The following CELF2 variants were observed in gnomAD, a reference collection of about 807,000 sequenced individuals.
The protein encoded by CELF2 is CUGBP Elav-like family member 2, also known as CUG triplet repeat RNA-binding protein 2.
CELF2 carries 8 observed loss-of-function variants against 62.6 expected under a neutral mutation model. The ratio of observed to expected loss-of-function variants is 0.13; its 90% CI spans 0.07 to 0.23. CELF2 has a LOEUF of 0.23. Among genes scored for constraint, CELF2 ranks in the 10% least tolerant of loss-of-function variants. The pLI is 1.00. For synonymous variants in CELF2, 258 were observed against 250.0 expected (o/e 1.03, Z -0.30); for missense variants, 333 against 671.0 (o/e 0.50, Z 5.56).
At chr10:10,593,730 C>T in the CELF2 span, among the ~76,000 whole-genome samples, 4 of 152,126 alleles carry the variant, frequency 2.6e-5, no homozygotes, top group African/African-American at 7.2e-5. Context: ...ATCTAGGCAA[C>T]CCTGATTTCA....
the CELF2 span, among the ~76,000 whole-genome samples, chr10:10,653,984 G>GA: frequency 3.6e-4 from 55 of 150,834 alleles, no homozygotes; most frequent in South Asian, 4.2e-4. Context: ...GACTAATAAA[G>GA]AAAAAAAGAG....
the CELF2 span, among the ~76,000 whole-genome samples, chr10:10,523,252 T>C: frequency 6.6e-6 from 1 of 152,192 alleles, no homozygotes; most frequent in Non-Finnish European, 1.5e-5. Flanking sequence ...TAATGTAAGT[T>C]AGGAGGTTAT....
chr10:10,473,542 C>T, the CELF2 span, among the ~76,000 whole-genome samples: 13 of 151,948 alleles, frequency 8.6e-5, no homozygotes, highest in South Asian at 2.1e-4. Context: ...AAGACAGTCA[C>T]GCCTTTTAAA....
the CELF2 span, among the ~76,000 whole-genome samples, chr10:10,623,942 A>G: frequency 6.6e-6 from 1 of 152,192 alleles, no homozygotes; most frequent in Non-Finnish European, 1.5e-5. Flanking sequence ...GACTGCAGAG[A>G]TGATGTGCTC....
intron 1 of CELF2, among the ~76,000 whole-genome samples, chr10:11,072,656 A>G (rs2070477438): frequency 6.6e-6 from 1 of 152,226 alleles, no homozygotes; most frequent in South Asian, 2.1e-4. Context: ...AGCAAAGGAT[A>G]TAGAGGCAGC....
intron 2 of CELF2, among the ~76,000 whole-genome samples, chr10:10,950,037 A>G (rs1431232507): frequency 6.6e-6 from 1 of 152,050 alleles, no homozygotes; most frequent in East Asian, 1.9e-4. Flanking sequence ...TTACCTTGGC[A>G]ATGCCTGGGA....
chr10:10,529,966 G>A, the CELF2 span, among the ~76,000 whole-genome samples: 1 of 152,206 alleles, frequency 6.6e-6, no homozygotes, highest in African/African-American at 2.4e-5. Flanking sequence ...AAGCTGAACA[G>A]TTTCTGCAGT....
At chr10:10,614,463 A>C in the CELF2 span, among the ~76,000 whole-genome samples, 1 of 152,108 alleles carries the variant, frequency 6.6e-6, no homozygotes, top group Admixed American at 6.5e-5. Context: ...AGGAAGATTT[A>C]TCTTACGGCA....
Position 11,227,792 on chromosome 10 carries a change from A to G in CELF2, c.354+10285A>G, listed in dbSNP as rs2067134610. The stretch of plus-strand genomic sequence containing the variant: ...ACTTTCTACAACACTGTCACGCATC[A>G]GGGACGAGGGTACCGAGTGAGAGCA... On this transcript the variant is annotated intron_variant, in intron 3 of 12. Transcript: ENST00000633077. This position sits in a 1 kb window ranked among gnomAD's most constrained non-coding sequence, Gnocchi z 4.8. Among the ~76,000 whole-genome samples, 2 of 152,328 alleles carry G rather than the reference A, an allele frequency of 1.3e-5. No individual in the cohort carries two copies. The highest frequency in any genetic ancestry group is 4.1e-4 in the South Asian group (2 of 4,820).
chr10:11,119,212 C>T (rs544028242), intron 1 of CELF2, among the ~76,000 whole-genome samples: 36 of 152,272 alleles, frequency 2.4e-4, no homozygotes, highest in African/African-American at 8.4e-4. Flanking sequence ...AAACTTTAGA[C>T]TTCTTGCATA....
chr10:11,086,578 T>TAAAAAAAAAAAAAAAAAAA lies in CELF2; in HGVS notation c.74+68429_74+68447dup, dbSNP rs1168932032. ...AATCCATGTCTCCATTTGCATTTGTTAAAAAAAAAAAAAAAAAAAAAAAAA... is the reference window on the plus strand; with the variant it reads ...AATCCATGTCTCCATTTGCATTTGTTAAAAAAAAAAAAAAAAAAAAAAAAAAAAAAAAAAAAAAAAAAAA... On this transcript the variant is annotated intron_variant, in intron 1 of 12. Coordinates refer to ENST00000633077, the MANE Select transcript of CELF2 (RefSeq NM_001326342.2). 9.7e-5 allele frequency among the ~76,000 whole-genome samples: 7 copies of TAAAAAAAAAAAAAAAAAAA among 71,984 alleles called. 3 individuals carry two copies. Among genetic ancestry groups the TAAAAAAAAAAAAAAAAAAA allele is most frequent in the African/African-American group, 3.8e-4 (7 of 18,240 alleles). 47.2% of individuals were successfully genotyped at this position (71,984 alleles called of 152,430 possible). A position where few individuals can be genotyped will look rare whatever the true frequency, so the allele number is the denominator to read the frequency against.
the CELF2 span, among the ~76,000 whole-genome samples, chr10:10,554,247 C>T: frequency 6.6e-6 from 1 of 152,136 alleles, no homozygotes; most frequent in Non-Finnish European, 1.5e-5. Context: ...AAGCATCTGG[C>T]CCAGATGTAT....
the CELF2 span, among the ~76,000 whole-genome samples, chr10:10,528,785 G>A: frequency 6.6e-6 from 1 of 152,076 alleles, no homozygotes; most frequent in East Asian, 1.9e-4. Flanking sequence ...GTTATGGAAG[G>A]GACTTAAAGA....
chr10:10,853,102 C>T (rs902830732), intron 1 of CELF2, among the ~76,000 whole-genome samples: 1 of 152,144 alleles, frequency 6.6e-6, no homozygotes, highest in African/African-American at 2.4e-5. Context: ...CCTCTGCCTC[C>T]CGAGTAAGTG....
the CELF2 span, among the ~76,000 whole-genome samples, chr10:10,652,938 C>G: frequency 6.6e-6 from 1 of 152,118 alleles, no homozygotes; most frequent in Non-Finnish European, 1.5e-5. Flanking sequence ...GATAAAGAGT[C>G]AAGACCCATC....
At chr10:11,083,420 C>T (rs568469682) in intron 1 of CELF2, among the ~76,000 whole-genome samples, 90 of 152,192 alleles carry the variant, frequency 5.9e-4, no homozygotes, top group African/African-American at 2.0e-3. Context: ...AGGCCACAAC[C>T]GACTGGCCTA....
In CELF2 at chr10:11,159,643, C is replaced by G. The variant is rs1473996993; in HGVS notation, c.75-5843C>G. Among the ~76,000 whole-genome samples, 1 of 152,170 alleles carries G rather than the reference C, an allele frequency of 6.6e-6. No homozygotes were observed. The highest frequency in any genetic ancestry group is 2.4e-5 in the African/African-American group (1 of 41,430). ...AGAGATTTCTCTTCTTAAATAATGG[C>G]AACACCAAAATGAACAATGTAGAGA... On this transcript the variant is annotated intron_variant, in intron 1 of 12. Coordinates refer to ENST00000633077, the MANE Select transcript of CELF2 (RefSeq NM_001326342.2). This position sits in a 1 kb window ranked among gnomAD's most constrained non-coding sequence, Gnocchi z 5.0.
chr10:10,682,510 T>C, the CELF2 span, among the ~76,000 whole-genome samples: 9 of 152,350 alleles, frequency 5.9e-5, no homozygotes, highest in East Asian at 1.7e-3. Context: ...AGCTTGCTTC[T>C]TGCGCAGACT....
chr10:10,979,563 C>A (rs759580453), intron 2 of CELF2, among the ~76,000 whole-genome samples: 5 of 149,528 alleles, frequency 3.3e-5, no homozygotes, highest in Non-Finnish European at 7.4e-5. Context: ...CTCAGCTATG[C>A]AGGGGGCTGA....
Sources: allele counts gnomAD v4.1 joint callset (sites outside exome capture counted in the v4.1 genomes callset), GRCh38; gene constraint gnomAD v4.1.1; non-coding constraint Gnocchi (gnomAD v3.1); transcripts MANE v1.5; gene names NCBI Gene and HGNC (gene_info 2026-07-23, HGNC 2026-07-21).